Variants in BRINP1 observed in about 807,000 individuals in gnomAD.
The protein encoded by BRINP1 is BMP/retinoic acid-inducible neural-specific protein 1.
A neutral mutation model predicts 72.9 loss-of-function variants in BRINP1; 17 were observed. That is an observed-to-expected ratio of 0.23 (90% CI 0.16 to 0.35). BRINP1 has a LOEUF of 0.35. Among genes scored for constraint, BRINP1 ranks in the 10% least tolerant of loss-of-function variants. BRINP1 has a pLI of 1.00. For synonymous variants in BRINP1, 418 were observed against 378.5 expected (o/e 1.10, Z -1.21); for missense variants, 850 against 1,001.6 (o/e 0.85, Z 2.04).
chr9:119,331,833 TAATA>T (rs1313505316), intron 1 of BRINP1, among the ~76,000 whole-genome samples: 1 of 152,214 alleles, frequency 6.6e-6, no homozygotes, highest in Non-Finnish European at 1.5e-5. Context: ...CAGGGATGCT[TAATA>T]AATGTTCAAC....
In BRINP1 at chr9:119,206,936, G is replaced by A. The variant is rs768145666; in HGVS notation, c.1145+1783C>T. Among the ~76,000 whole-genome samples the A allele has an allele frequency of 2.8e-4, 43 of 152,254 alleles. No individual in the cohort carries two copies. The Middle Eastern group carries it at 0.01, about 36-fold the overall frequency. ...TCAGCAGCATTGCAACAAGAAACTG[G>A]CAAAAGAAATTCTATTTGATCCACA... On this transcript the variant is annotated intron_variant, in intron 7 of 7. Transcript: ENST00000265922.
At chr9:119,254,469 A>C (rs1830425721) in intron 2 of BRINP1, among the ~76,000 whole-genome samples, 2 of 152,188 alleles carry the variant, frequency 1.3e-5, no homozygotes, top group African/African-American at 4.8e-5. Context: ...CCTGGGGTGG[A>C]AATGTGTTTG....
In BRINP1 at chr9:119,285,697, C is replaced by A. The variant is rs72761741; in HGVS notation, c.218+27441G>T. ...TACCTCCTCATTCTTTCTATTTACC[C>A]GTTTTCTTTTTTTCCCTCCTCATCT... On this transcript the variant is annotated intron_variant, in intron 2 of 7. Coordinates refer to ENST00000265922, the MANE Select transcript of BRINP1 (RefSeq NM_014618.3). Among the ~76,000 whole-genome samples, 1,469 of 152,234 alleles carry A rather than the reference C, an allele frequency of 9.6e-3. 12 individuals are homozygous for A. The highest frequency in any genetic ancestry group is 0.015 in the Non-Finnish European group (994 of 68,024).
intron 2 of BRINP1, among the ~76,000 whole-genome samples, chr9:119,276,552 A>T (rs1367373940): frequency 6.6e-6 from 1 of 152,194 alleles, no homozygotes; most frequent in Non-Finnish European, 1.5e-5. Context: ...ACTGTCCATA[A>T]ACCACAACTT....
Position 119,249,085 on chromosome 9 carries a change from A to T in BRINP1, c.284T>A (p.Val95Glu), listed in dbSNP as rs772318106. 3.1e-6 allele frequency: 5 copies of T among 1,614,028 alleles called. No homozygotes were observed. Among genetic ancestry groups the T allele is most frequent in the Non-Finnish European group, 4.2e-6 (5 of 1,179,992 alleles). ...IERRDLVRHP[V>E]PLMPEFQRSI... is the part of the protein sequence containing the mutation. ...CCTTTGAAACTCCGGCATGAGGGGC[A>T]CTGGATGGCGGACCAGATCTCTCCT... Residue 95 changes from valine (V) to glutamate (E), a missense_variant, in exon 3 of 8, where the codon GTG (valine) becomes GAG (glutamate). Val to Glu is a moderately radical substitution (Grantham distance 121, BLOSUM62 -2). Transcript: ENST00000265922.
chr9:119,282,257 C>T (rs1245358020), intron 2 of BRINP1, among the ~76,000 whole-genome samples: 1 of 152,074 alleles, frequency 6.6e-6, no homozygotes, highest in East Asian at 1.9e-4. Context: ...GAGTGCTGAA[C>T]TTGGGAATGG....
chr9:119,358,163 A>G (rs1831588182), intron 1 of BRINP1, among the ~76,000 whole-genome samples: 1 of 152,184 alleles, frequency 6.6e-6, no homozygotes. Context: ...AATAAAATAA[A>G]TGAGAATAAG....
intron 7 of BRINP1, among the ~76,000 whole-genome samples, chr9:119,198,612 T>G (rs1006040258): frequency 2.0e-5 from 3 of 152,186 alleles, no homozygotes; most frequent in Non-Finnish European, 4.4e-5. Flanking sequence ...AGTGTTGTCA[T>G]CAATTATTTA....
intron 6 of BRINP1, among the ~76,000 whole-genome samples, chr9:119,209,315 G>A (rs1829894774): frequency 1.3e-5 from 2 of 152,206 alleles, no homozygotes; most frequent in South Asian, 4.1e-4. Context: ...GCTCACACCT[G>A]TAATCCCAGG....
chr9:119,313,386 T>G lies in BRINP1; in HGVS notation c.-31A>C. The G allele has an allele frequency of 6.2e-7, 1 of 1,611,936 alleles. No individual in the cohort carries two copies. Among genetic ancestry groups the G allele is most frequent in the Non-Finnish European group, 8.5e-7 (1 of 1,179,540 alleles). On this transcript the variant is annotated 5_prime_UTR_variant, in exon 2 of 8. Transcript: ENST00000265922. ...TCTGCCGGCCTTTTTCCTCTCATTC[T>G]TGCTCCATTCTGTGGAGTCCTATAG...
chr9:119,326,298 G>A (rs1374689269), intron 1 of BRINP1, among the ~76,000 whole-genome samples: 1 of 152,046 alleles, frequency 6.6e-6, no homozygotes, highest in Non-Finnish European at 1.5e-5. Context: ...CCTAATTGTA[G>A]TTTTCTTATT....
At chr9:119,289,253 G>GGT in intron 2 of BRINP1, among the ~76,000 whole-genome samples, 1 of 152,354 alleles carries the variant, frequency 6.6e-6, no homozygotes, top group Admixed American at 6.5e-5. Flanking sequence ...GAAGTAATTG[G>GGT]GTGTGGCCTT....
chr9:119,325,354 C>T (rs1313266604), intron 1 of BRINP1, among the ~76,000 whole-genome samples: 1 of 152,158 alleles, frequency 6.6e-6, no homozygotes, highest in African/African-American at 2.4e-5. Flanking sequence ...ACCATACAAT[C>T]TCCCAAATCA....
intron 2 of BRINP1, among the ~76,000 whole-genome samples, chr9:119,285,271 A>G (rs961846310): frequency 1.3e-5 from 2 of 152,172 alleles, no homozygotes; most frequent in Non-Finnish European, 2.9e-5. Flanking sequence ...GCCAGTGAGA[A>G]AGACCATCGT....
intron 5 of BRINP1, among the ~76,000 whole-genome samples, chr9:119,232,303 A>G (rs938094527): frequency 2.0e-5 from 3 of 152,210 alleles, no homozygotes; most frequent in African/African-American, 7.2e-5. Context: ...TCACCTGGAT[A>G]AACATGACAG....
intron 7 of BRINP1, among the ~76,000 whole-genome samples, chr9:119,171,498 T>C (rs1008859363): frequency 1.3e-5 from 2 of 151,174 alleles, no homozygotes; most frequent in Admixed American, 6.6e-5. Flanking sequence ...CCGAGTGACT[T>C]ACAAAGAGAC....
At chr9:119,209,535 C>G (rs1829898693) in intron 6 of BRINP1, among the ~76,000 whole-genome samples, 3 of 147,792 alleles carry the variant, frequency 2.0e-5, no homozygotes, top group South Asian at 4.2e-4. Context: ...CCACTGCACT[C>G]CAGCCTGGGC....
At chr9:119,267,504 C>T (rs1395303494) in intron 2 of BRINP1, among the ~76,000 whole-genome samples, 2 of 151,746 alleles carry the variant, frequency 1.3e-5, no homozygotes, top group Non-Finnish European at 2.9e-5. Flanking sequence ...GGTGTGGTGG[C>T]GGGTGCCTGT....
In BRINP1 at chr9:119,227,307, G is replaced by A. The variant is rs375263822; in HGVS notation, c.685+11348C>T. Reference sequence around the variant, plus strand: ...TCTGCCCATCCTCCTCATTCTATCCGATTTCTAATTAAATCTTCTCTGCCC... The same window carrying A: ...TCTGCCCATCCTCCTCATTCTATCCAATTTCTAATTAAATCTTCTCTGCCC... On this transcript the variant is annotated intron_variant, in intron 5 of 7. Transcript: ENST00000265922. Among the ~76,000 whole-genome samples, 38 of 151,950 alleles carry A rather than the reference G, an allele frequency of 2.5e-4. No individual in the cohort carries two copies. The East Asian group carries it at 4.1e-3, about 16-fold the overall frequency.
Sources: allele counts gnomAD v4.1 joint callset (sites outside exome capture counted in the v4.1 genomes callset), GRCh38; gene constraint gnomAD v4.1.1; transcripts MANE v1.5; gene names NCBI Gene and HGNC (gene_info 2026-07-23, HGNC 2026-07-21).